The following KAZN variants were observed in gnomAD, a reference collection of about 807,000 sequenced individuals.
The protein encoded by KAZN is kazrin, periplakin interacting protein.
A neutral mutation model predicts 87.4 loss-of-function variants in KAZN; 40 were observed. The observed-to-expected ratio is 0.46, with a 90% confidence interval of 0.36 to 0.60. The LOEUF is 0.60. Among genes scored for constraint, KAZN ranks in the 20% least tolerant of loss-of-function variants. The probability of loss-of-function intolerance (pLI) is 0.00; values close to 1 mark genes in which losing one functional copy is unlikely to be tolerated. For synonymous variants in KAZN, 466 were observed against 458.3 expected (o/e 1.02, Z -0.22); for missense variants, 898 against 1,073.9 (o/e 0.84, Z 2.29).
At chr1:14,635,053 A>G (rs1469645206) in intron 1 of KAZN, among the ~76,000 whole-genome samples, 1 of 152,038 alleles carries the variant, frequency 6.6e-6, no homozygotes, top group Non-Finnish European at 1.5e-5. Flanking sequence ...AATGGTACCC[A>G]CCCCACAGGT....
chr1:15,009,363 A>C (rs6429701), intron 2 of KAZN, among the ~76,000 whole-genome samples: 90 of 152,286 alleles, frequency 5.9e-4, no homozygotes, highest in Middle Eastern at 3.4e-3. Flanking sequence ...AACTCAGGTA[A>C]GCGCCATCCC....
In KAZN at chr1:14,944,370, T is replaced by C. The variant is rs140605277; in HGVS notation, c.227-16314T>C. Among the ~76,000 whole-genome samples, 392 of 152,386 alleles carry C rather than the reference T, an allele frequency of 2.6e-3. 1 individual carries two copies. Among genetic ancestry groups the C allele is most frequent in the Middle Eastern group, 0.014 (4 of 294 alleles). ...GTTCATTTCTAGTCCTGAAAGGTTG[T>C]GGCCTGATGCCGGGGAGACACAGCT... is the stretch of plus-strand genomic sequence containing the variant. On this transcript the variant is annotated intron_variant, in intron 1 of 14. Transcript: ENST00000376030.
At chr1:14,236,388 G>C (rs1482711925) in intron 2 of KAZN, among the ~76,000 whole-genome samples, 1 of 152,106 alleles carries the variant, frequency 6.6e-6, no homozygotes, top group African/African-American at 2.4e-5. Flanking sequence ...TTCCTCTTGT[G>C]CAGTAGGATT....
chr1:14,721,215 TA>T (rs1557915215), intron 1 of KAZN, among the ~76,000 whole-genome samples: 1 of 152,078 alleles, frequency 6.6e-6, no homozygotes, highest in South Asian at 2.1e-4. Context: ...CAATGGGAGG[TA>T]ATTGAATCAT....
Position 13,913,649 on chromosome 1 carries a change from C to T in KAZN, c.91+19893C>T, listed in dbSNP as rs549075660. ...GATAAAGCCATGTTATTGCATGGCC[C>T]TGCTTTCAGCTAGGATTTCTTAAAC... On this transcript the variant is annotated intron_variant, in intron 1 of 16. Coordinates refer to the KAZN transcript ENST00000636203. Among the ~76,000 whole-genome samples the T allele has an allele frequency of 2.6e-5, 4 of 152,340 alleles. No individual in the cohort carries two copies. The South Asian group carries it at 8.3e-4, about 32-fold the overall frequency.
chr1:14,114,478 G>A lies in KAZN; in HGVS notation c.92-65957G>A, dbSNP rs74327390. On this transcript the variant is annotated intron_variant, in intron 1 of 16. Transcript: ENST00000636203. ...AACTCTCTCGAGCCCCCTATTCCAG[G>A]CATCCAGATTGTGTCCTCTCTTTGC... 5.5e-3 allele frequency among the ~76,000 whole-genome samples: 837 copies of A among 152,018 alleles called. 15 individuals carry two copies. Among genetic ancestry groups the A allele is most frequent in the African/African-American group, 0.019 (767 of 41,440 alleles).
intron 2 of KAZN, among the ~76,000 whole-genome samples, chr1:14,419,913 T>C (rs945155169): frequency 1.3e-5 from 2 of 152,116 alleles, no homozygotes; most frequent in African/African-American, 2.4e-5. Context: ...CAATGGGATT[T>C]ATTGCAAAGA....
chr1:14,973,598 T>C (rs940322536), intron 2 of KAZN, among the ~76,000 whole-genome samples: 1 of 152,138 alleles, frequency 6.6e-6, no homozygotes, highest in Non-Finnish European at 1.5e-5. Context: ...GTGTCTGTAA[T>C]GAGCTAGAAA....
At chr1:13,960,201 T>C (rs1297305355) in intron 1 of KAZN, among the ~76,000 whole-genome samples, 4 of 152,126 alleles carry the variant, frequency 2.6e-5, no homozygotes, top group Non-Finnish European at 4.4e-5. Flanking sequence ...CCAAGCATTG[T>C]TTTAAAAGTT....
intron 1 of KAZN, among the ~76,000 whole-genome samples, chr1:14,617,522 T>A (rs1378623279): frequency 2.0e-5 from 3 of 152,206 alleles, no homozygotes; most frequent in Non-Finnish European, 2.9e-5. Context: ...CAAAAAAGCC[T>A]TGGTATCTAC....
chr1:14,467,331 A>AT (rs1668214563), intron 2 of KAZN, among the ~76,000 whole-genome samples: 1 of 136,848 alleles, frequency 7.3e-6, no homozygotes, highest in Non-Finnish European at 1.5e-5. Context: ...GAAATATATT[A>AT]TAAAAAAAAA....
chr1:14,419,860 T>C (rs1012914229), intron 2 of KAZN, among the ~76,000 whole-genome samples: 1 of 151,972 alleles, frequency 6.6e-6, no homozygotes. Context: ...TTGCGGCGAG[T>C]ATTACAGCTC....
intron 2 of KAZN, among the ~76,000 whole-genome samples, chr1:14,521,610 G>A (rs1166019238): frequency 6.6e-6 from 1 of 152,132 alleles, no homozygotes; most frequent in Non-Finnish European, 1.5e-5. Flanking sequence ...ACAACTCAAG[G>A]AAGAAACCAG....
At chr1:14,860,861 C>G (rs1162437705) in intron 1 of KAZN, among the ~76,000 whole-genome samples, 1 of 152,154 alleles carries the variant, frequency 6.6e-6, no homozygotes, top group Non-Finnish European at 1.5e-5. Flanking sequence ...AGAAGCTGAA[C>G]CTAGTTAATG....
At chr1:14,762,585 C>T (rs1409272682) in intron 1 of KAZN, among the ~76,000 whole-genome samples, 1 of 152,028 alleles carries the variant, frequency 6.6e-6, no homozygotes, top group Non-Finnish European at 1.5e-5. Context: ...ATTAGCCAGT[C>T]GCGGTGGCAG....
rs1049937732 is a variant in KAZN, at chr1:15,044,214, G to C, written c.726+55G>C. The C allele has an allele frequency of 1.5e-5, 23 of 1,486,774 alleles. No homozygotes were observed. In the Admixed American group the frequency reaches 3.3e-4, roughly 21 times the overall value. The allele number at this position is 1,486,774 out of a possible 1,614,324, so 92.1% of individuals were successfully genotyped here. A position where few individuals can be genotyped will look rare whatever the true frequency, so the allele number is the denominator to read the frequency against. ...GGCATCTGCTAGCAGTGCCGTGCTG[G>C]GAGCCGGGACGTCTGGCACCGACTC... On this transcript the variant is annotated intron_variant, in intron 4 of 14. Transcript: ENST00000376030.
chr1:13,934,343 C>T (rs12036159), intron 1 of KAZN, among the ~76,000 whole-genome samples: 2,489 of 152,186 alleles, frequency 0.016, 63 homozygotes, highest in African/African-American at 0.055. Context: ...CCCGGGGAAG[C>T]GTCTGGAAAG....
intron 1 of KAZN, among the ~76,000 whole-genome samples, chr1:14,140,680 G>A (rs951455907): frequency 2.6e-5 from 4 of 152,014 alleles, no homozygotes; most frequent in Admixed American, 6.5e-5. Flanking sequence ...TCTTACACAC[G>A]TGTAAGCTGC....
intron 2 of KAZN, among the ~76,000 whole-genome samples, chr1:15,023,854 G>A (rs1317561518): frequency 6.6e-6 from 1 of 151,410 alleles, no homozygotes; most frequent in Non-Finnish European, 1.5e-5. Flanking sequence ...CCATGTTGAA[G>A]GCAGAGCTGG....
Sources: gnomAD v4.1 joint callset for allele counts (sites outside exome capture counted in the v4.1 genomes callset) on GRCh38, gnomAD v4.1.1 for gene constraint, MANE v1.5 for transcripts, NCBI Gene and HGNC (gene_info 2026-07-23, HGNC 2026-07-21) for gene names.